ID3: variants seen among roughly 807,000 people sequenced by gnomAD.
ID3 encodes inhibitor of DNA binding 3.
Under a neutral mutation model 9.6 loss-of-function variants are expected in ID3, and 4 were observed. The observed-to-expected ratio is 0.42, with a 90% CI of 0.21 to 0.96. The LOEUF is 0.96. Ranked by LOEUF, ID3 falls within the 40% of genes least tolerant of loss-of-function variation. The probability of loss-of-function intolerance (pLI) is 0.30; values close to 1 mark genes in which losing one functional copy is unlikely to be tolerated. For synonymous variants in ID3, 108 were observed against 75.2 expected, an observed-to-expected ratio of 1.44 and a Z score of -2.26; for missense variants, 191 against 164.5, an observed-to-expected ratio of 1.16 and a Z score of -0.88.
rs762408799 is a variant in ID3, at chr1:23,559,390, C to A, written c.37G>T (p.Ala13Ser). Residue 13 changes from alanine to serine, a missense_variant, in exon 1 of 3, where the codon GCG becomes TCG. By Grantham distance (99) the Ala-to-Ser change is moderately conservative. Coordinates refer to ENST00000374561, the MANE Select transcript of ID3 (RefSeq NM_002167.5). ...ALSPVRGCYE[A>S]VCCLSERSLA... The stretch of plus-strand genomic sequence containing the variant: ...CTGCGTTCCGACAGGCAGCACACCG[C>A]CTCGTAGCAGCCGCGCACCGGGCTC... 1 of 1,612,710 alleles carries A rather than the reference C, an allele frequency of 6.2e-7. No individual in the cohort carries two copies. Among genetic ancestry groups the A allele is most frequent in the African/African-American group, 1.3e-5 (1 of 75,060 alleles).
rs185630634 is a variant in ID3 at position 23,558,926 on chromosome 1, G to C, written c.*25+9C>G. On this transcript the variant is annotated intron_variant, in intron 2 of 2. Coordinates refer to ENST00000374561, the MANE Select transcript of ID3 (RefSeq NM_002167.5). ...TTAAACCTCCCTCTCCAAGAGAGGA[G>C]ATACTCACCTGGAGGTGTCAGGACA... The C allele has an allele frequency of 2.3e-5, 37 of 1,584,396 alleles. No individual in the cohort carries two copies. The highest frequency in any genetic ancestry group is 1.7e-5 in the Admixed American group (1 of 59,542).
intron 2 of ID3, 171 bp from the exon 3 acceptor site, chr1:23,558,586 C>T (rs943701082): frequency 1.2e-4 from 23 of 199,544 alleles, no homozygotes; most frequent in Admixed American, 6.9e-4. Context: ...AGACCACAGG[C>T]GGAGCTTGCG....
At position 23,559,258 on chromosome 1, in the gene ID3, C is replaced by T. The variant is rs768596654; in HGVS notation, c.169G>A (p.Gly57Arg). The part of the protein sequence containing the change: ...CYSRLRELVP[G>R]VPRGTQLSQV... ...CTAAGCTGAGTGCCTCTCGGGACTC[C>T]GGGTACCAGTTCCCGCAGGCGGGAG... Residue 57 changes from glycine (G) to arginine (R), a missense_variant, in exon 1 of 3, where the codon GGA becomes AGA. Gly to Arg is a moderately radical substitution (Grantham distance 125, BLOSUM62 -2). Transcript: ENST00000374561. 3.1e-6 allele frequency: 5 copies of T among 1,614,156 alleles called. No homozygotes were observed. Among genetic ancestry groups the T allele is most frequent in the South Asian group, 1.1e-5 (1 of 91,084 alleles).
rs370478639 is a variant in ID3, at chr1:23,559,169, C to A, written c.258G>T (p.Glu86Asp). ...YILDLQVVLA[E>D]PAPGPPDGPH... is the part of the protein sequence containing the mutation. ...GGCCATCAGGGGGTCCAGGGGCTGG[C>A]TCGGCCAGGACTACCTGCAGGTCGA... The change falls in exon 1 of 3, where the codon GAG (glutamate) becomes GAT (aspartate). Residue 86 changes from glutamate (E) to aspartate (D), a missense_variant. Transcript: ENST00000374561. 2.5e-6 allele frequency: 4 copies of A among 1,614,080 alleles called. No individual in the cohort carries two copies. Among genetic ancestry groups the A allele is most frequent in the Non-Finnish European group, 3.4e-6 (4 of 1,180,048 alleles).
Position 23,559,407 on chromosome 1 carries a change from A to G in ID3, c.20T>C (p.Val7Ala), listed in dbSNP as rs922296615. MKALSP[V>A]RGCYEAVCCL... is the part of the protein sequence containing the mutation. ...GCACACCGCCTCGTAGCAGCCGCGC[A>G]CCGGGCTCAGCGCCTTCATGCTGGG... The change falls in exon 1 of 3, where the codon GTG (valine) becomes GCG (alanine). Residue 7 changes from valine to alanine, a missense_variant. By Grantham distance (64) the Val-to-Ala change is moderately conservative. Coordinates refer to ENST00000374561, the MANE Select transcript of ID3 (RefSeq NM_002167.5). The G allele has an allele frequency of 1.2e-6, 2 of 1,612,192 alleles. No homozygotes were observed. The highest frequency in any genetic ancestry group is 1.7e-6 in the Non-Finnish European group (2 of 1,179,518).
chr1:23,559,322 C>T lies in ID3; in HGVS notation c.105G>A (p.Glu35=), dbSNP rs905827907. ...TGTCGTCCAGCAAGCTCAGCGGCTCCTCAGCTGCCGGGCCCTTCCCTCGGC... is the reference window on the plus strand; with the variant it reads ...TGTCGTCCAGCAAGCTCAGCGGCTCTTCAGCTGCCGGGCCCTTCCCTCGGC... ...ARGRGKGPAA[E]EPLSLLDDMN... The change falls in exon 1 of 3, where the codon GAG becomes GAA. Residue 35 remains glutamate (E), a synonymous_variant. Transcript: ENST00000374561. 6.2e-7 allele frequency: 1 copy of T among 1,613,610 alleles called. No homozygotes were observed. Among genetic ancestry groups the T allele is most frequent in the Non-Finnish European group, 8.5e-7 (1 of 1,180,048 alleles).
At chr1:23,558,844 C>T (rs1190066984) in intron 2 of ID3, 91 bp downstream of exon 2, 5 of 816,072 alleles carry the variant, frequency 6.1e-6, no homozygotes, top group Admixed American at 2.1e-5. Context: ...CCTCAGTTTC[C>T]CTAAACCGAG....
rs761928637 is a variant in ID3, at chr1:23,559,346, G to T, written c.81C>A (p.Gly27=). 1.2e-6 allele frequency: 2 copies of T among 1,613,308 alleles called. No individual in the cohort carries two copies. Among genetic ancestry groups the T allele is most frequent in the Non-Finnish European group, 1.7e-6 (2 of 1,180,034 alleles). ...CCTCAGCTGCCGGGCCCTTCCCTCG[G>T]CCCCGGGCGATGGCCAGACTGCGTT... ...LSERSLAIAR[G]RGKGPAAEEP... The change falls in exon 1 of 3, where the codon GGC becomes GGA. Residue 27 remains glycine, a synonymous_variant. Coordinates refer to ENST00000374561, the MANE Select transcript of ID3 (RefSeq NM_002167.5).
chr1:23,558,874 A>G, intron 2 of ID3, 61 bp downstream of exon 2: 1 of 1,177,138 alleles, frequency 8.5e-7, no homozygotes, highest in Non-Finnish European at 1.2e-6. Flanking sequence ...ATTTTTCAAA[A>G]CGTCTGCCAA....
At position 23,559,268 on chromosome 1, in the gene ID3, T is replaced by C; in HGVS notation, c.159A>G (p.Glu53=). 1 of 1,614,154 alleles carries C rather than the reference T, an allele frequency of 6.2e-7. No individual in the cohort carries two copies. The highest frequency in any genetic ancestry group is 8.5e-7 in the Non-Finnish European group (1 of 1,180,022). Residue 53 remains glutamate, a synonymous_variant, in exon 1 of 3, where the codon GAA becomes GAG. Transcript: ENST00000374561. The part of the protein sequence containing the change: ...DMNHCYSRLR[E]LVPGVPRGTQ... ...TGCCTCTCGGGACTCCGGGTACCAG[T>C]TCCCGCAGGCGGGAGTAGCAGTGGT...
rs1226961546 is a variant in ID3 at position 23,559,374 on chromosome 1, G to A, written c.53C>T (p.Ser18Leu). 1.2e-6 allele frequency: 2 copies of A among 1,613,036 alleles called. No homozygotes were observed. The highest frequency in any genetic ancestry group is 1.7e-6 in the Non-Finnish European group (2 of 1,179,998). The change falls in exon 1 of 3, where the codon TCG (serine) becomes TTG (leucine). Residue 18 changes from serine (S) to leucine (L), a missense_variant. Transcript: ENST00000374561. ...CCGGGCGATGGCCAGACTGCGTTCC[G>A]ACAGGCAGCACACCGCCTCGTAGCA... ...RGCYEAVCCLSERSLAIARGR... is the reference protein window; with the variant it reads ...RGCYEAVCCLLERSLAIARGR...
intron 2 of ID3, chr1:23,558,683 T>G: frequency 2.1e-6 from 1 of 487,758 alleles, no homozygotes; most frequent in Non-Finnish European, 3.7e-6. Context: ...AAGACTTGTA[T>G]TTAGTCGGAC....
rs1040662909 is a variant in ID3, at chr1:23,559,085, C to T, written c.300+42G>A. 3.1e-6 allele frequency: 5 copies of T among 1,612,654 alleles called. 1 individual carries two copies. Among genetic ancestry groups the T allele is most frequent in the Non-Finnish European group, 4.2e-6 (5 of 1,178,860 alleles). On this transcript the variant is annotated intron_variant, in intron 1 of 2. Coordinates refer to ENST00000374561, the MANE Select transcript of ID3 (RefSeq NM_002167.5). ...GGGAGCTCCGAGGGTCCCGCAGCAT[C>T]CTTGCCTGGGTGTTCAGCCCTGTCC...
At position 23,558,093 on chromosome 1, in the gene ID3, G is replaced by C. The variant is rs1643668887; in HGVS notation, c.*348C>G. 6.5e-6 allele frequency: 1 copy of C among 152,692 alleles called. No individual in the cohort carries two copies. Among genetic ancestry groups the C allele is most frequent in the Non-Finnish European group, 1.5e-5 (1 of 68,126 alleles). The allele number at this position is 152,692 out of a possible 1,614,324, so 9.5% of individuals were successfully genotyped here. ...GGGCAACAGAACCTTTCTCCAAGGA[G>C]ACCAGAAGACCAGCTCTGCCGCCGC... On this transcript the variant is annotated 3_prime_UTR_variant, in exon 3 of 3. Transcript: ENST00000374561.
At position 23,559,494 on chromosome 1, in the gene ID3, T is replaced by G; in HGVS notation, c.-68A>C. 1 of 1,505,460 alleles carries G rather than the reference T, an allele frequency of 6.6e-7. No homozygotes were observed. Among genetic ancestry groups the G allele is most frequent in the Non-Finnish European group, 8.9e-7 (1 of 1,123,358 alleles). The allele number at this position is 1,505,460 out of a possible 1,614,324, so 93.3% of individuals were successfully genotyped here. The stretch of plus-strand genomic sequence containing the variant: ...CAAAAGAAGTCCCGCTACAGTGACC[T>G]GCAACGCGCGCACGCTCGCCGCGGC... On this transcript the variant is annotated 5_prime_UTR_variant, in exon 1 of 3. Coordinates refer to ENST00000374561, the MANE Select transcript of ID3 (RefSeq NM_002167.5).
Position 23,557,931 on chromosome 1 carries a change from A to C in ID3, c.*510T>G, listed in dbSNP as rs1447259035. 6.6e-6 allele frequency: 1 copy of C among 152,626 alleles called. No individual in the cohort carries two copies. The highest frequency in any genetic ancestry group is 1.5e-5 in the Non-Finnish European group (1 of 68,034). The allele number at this position is 152,626 out of a possible 1,614,324, so 9.5% of individuals were successfully genotyped here. Reference sequence around the variant, plus strand: ...TGGAGACGGGTGTCATCATATACACAAGTGTTTAAAAATCGTTTATTATGC... The same window carrying C: ...TGGAGACGGGTGTCATCATATACACCAGTGTTTAAAAATCGTTTATTATGC... On this transcript the variant is annotated 3_prime_UTR_variant, in exon 3 of 3. Coordinates refer to ENST00000374561, the MANE Select transcript of ID3 (RefSeq NM_002167.5).
chr1:23,559,483 C>G lies in ID3; in HGVS notation c.-57G>C. ...AGAAAGAAAACCAAAAGAAGTCCCG[C>G]TACAGTGACCTGCAACGCGCGCACG... On this transcript the variant is annotated 5_prime_UTR_variant, in exon 1 of 3. Coordinates refer to ENST00000374561, the MANE Select transcript of ID3 (RefSeq NM_002167.5). 1 of 1,546,590 alleles carries G rather than the reference C, an allele frequency of 6.5e-7. No individual in the cohort carries two copies. The highest frequency in any genetic ancestry group is 8.7e-7 in the Non-Finnish European group (1 of 1,145,058).
intron 1 of ID3, 47 bp downstream of exon 1, chr1:23,559,080 A>G (rs1643684977): frequency 2.5e-6 from 4 of 1,612,036 alleles, no homozygotes; most frequent in African/African-American, 1.3e-5. Flanking sequence ...AGGGTCCCGC[A>G]GCATCCTTGC....
Position 23,559,351 on chromosome 1 carries a change from G to A in ID3, c.76C>T (p.Arg26Trp), listed in dbSNP as rs371594384. Residue 26 changes from arginine to tryptophan, a missense_variant, in exon 1 of 3, where the codon CGG becomes TGG. Physicochemically the swap from Arg to Trp is moderately radical, Grantham distance 101. Transcript: ENST00000374561. ...CLSERSLAIARGRGKGPAAEE... is the reference protein window; with the variant it reads ...CLSERSLAIAWGRGKGPAAEE... ...GCTGCCGGGCCCTTCCCTCGGCCCC[G>A]GGCGATGGCCAGACTGCGTTCCGAC... 2.8e-5 allele frequency: 45 copies of A among 1,613,278 alleles called. No individual in the cohort carries two copies. The highest frequency in any genetic ancestry group is 4.0e-5 in the African/African-American group (3 of 74,942).
Sources: gnomAD v4.1 joint callset for allele counts on GRCh38, gnomAD v4.1.1 for gene constraint, MANE v1.5 for transcripts, NCBI Gene and HGNC (gene_info 2026-07-23, HGNC 2026-07-21) for gene names.